The following CPA6 variants were observed in gnomAD, a reference collection of about 807,000 sequenced individuals.
CPA6 encodes the protein carboxypeptidase B.
In CPA6, 58 loss-of-function variants were observed where a neutral mutation model predicts 63.3. The observed-to-expected ratio is 0.92, with a 90% CI of 0.74 to 1.14. CPA6 has a LOEUF of 1.14. Among genes scored for constraint, CPA6 ranks in the 50% most tolerant of loss-of-function variants. The pLI is 0.00. For missense variants in CPA6, 565 were observed against 526.6 expected (o/e 1.07, Z -0.71); for synonymous variants, 185 against 179.0 (o/e 1.03, Z -0.27).
intron 2 of CPA6, among the ~76,000 whole-genome samples, chr8:67,536,649 C>A (rs1033206540): frequency 7.2e-5 from 11 of 152,156 alleles, no homozygotes; most frequent in Non-Finnish European, 1.5e-4. Flanking sequence ...CAAACAGAGA[C>A]AATTTGACTT....
chr8:67,590,031 C>T (rs1183920396), intron 2 of CPA6, among the ~76,000 whole-genome samples: 2 of 151,296 alleles, frequency 1.3e-5, no homozygotes, highest in African/African-American at 4.9e-5. Flanking sequence ...TAATGCTATC[C>T]CTCCCCACTC....
intron 8 of CPA6, among the ~76,000 whole-genome samples, chr8:67,434,733 G>A (rs1296422899): frequency 6.6e-6 from 1 of 152,216 alleles, no homozygotes; most frequent in East Asian, 1.9e-4. Flanking sequence ...AGCAGCAGGC[G>A]GACCTCCAGT....
chr8:67,651,359 G>A (rs1815831888), intron 1 of CPA6, among the ~76,000 whole-genome samples: 1 of 152,150 alleles, frequency 6.6e-6, no homozygotes, highest in Non-Finnish European at 1.5e-5. Context: ...TTTGTATTAT[G>A]CAGCATGGAA....
At chr8:67,584,246 G>A (rs951113516) in intron 2 of CPA6, among the ~76,000 whole-genome samples, 1 of 152,180 alleles carries the variant, frequency 6.6e-6, no homozygotes, top group African/African-American at 2.4e-5. Flanking sequence ...CTTTAGAGTA[G>A]GAGCCTGTAA....
Position 67,434,934 on chromosome 8 carries a change from C to T in CPA6, c.839-694G>A, listed in dbSNP as rs572492732. Among the ~76,000 whole-genome samples, 113 of 152,350 alleles carry T rather than the reference C, an allele frequency of 7.4e-4. 3 individuals are homozygous for T. In the South Asian group the frequency reaches 0.011, roughly 15 times the overall value. On this transcript the variant is annotated intron_variant, in intron 8 of 10. Transcript: ENST00000297770. Reference sequence around the variant, plus strand: ...CTGAGGGGTCCTAGCCTGGAGCAGGCGCCTGCGCCCAGACCCTGGAGAGCC... The same window carrying T: ...CTGAGGGGTCCTAGCCTGGAGCAGGTGCCTGCGCCCAGACCCTGGAGAGCC...
In CPA6 at chr8:67,630,928, T is replaced by C. The variant is rs77744044; in HGVS notation, c.117-6677A>G. ...CAGTGCCGGCCCACTGGTGCCATGCTTGAATTCTTGCCAGGCCTCAGCTGC... is the reference window on the plus strand; with the variant it reads ...CAGTGCCGGCCCACTGGTGCCATGCCTGAATTCTTGCCAGGCCTCAGCTGC... On this transcript the variant is annotated intron_variant, in intron 1 of 10. Coordinates refer to ENST00000297770, the MANE Select transcript of CPA6 (RefSeq NM_020361.5). 5.7e-3 allele frequency among the ~76,000 whole-genome samples: 876 copies of C among 152,380 alleles called. 10 individuals are homozygous for C. The highest frequency in any genetic ancestry group is 0.02 in the African/African-American group (820 of 41,588).
chr8:67,699,004 T>A (rs1353492208), intron 1 of CPA6, among the ~76,000 whole-genome samples: 1 of 152,120 alleles, frequency 6.6e-6, no homozygotes, highest in Non-Finnish European at 1.5e-5. Context: ...CACTACATAG[T>A]TGGAAGGAAA....
At chr8:67,550,444 T>C (rs11785565) in intron 2 of CPA6, among the ~76,000 whole-genome samples, 80,630 of 151,870 alleles carry the variant, frequency 0.53, 24,975 homozygotes, top group East Asian at 0.72. Context: ...AATCCACCAT[T>C]GACGGGCATC....
intron 2 of CPA6, among the ~76,000 whole-genome samples, chr8:67,565,318 C>T (rs190379538): frequency 1.2e-4 from 18 of 151,940 alleles, no homozygotes; most frequent in Admixed American, 3.9e-4. Flanking sequence ...GATAATGGGA[C>T]GCAGAAAAAC....
intron 2 of CPA6, among the ~76,000 whole-genome samples, chr8:67,546,025 C>T (rs1812811821): frequency 6.6e-6 from 1 of 152,140 alleles, no homozygotes; most frequent in African/African-American, 2.4e-5. Context: ...TCCCCCTCTG[C>T]CTCCATCCCC....
At chr8:67,744,361 A>T (rs1817968279) in intron 1 of CPA6, among the ~76,000 whole-genome samples, 1 of 152,158 alleles carries the variant, frequency 6.6e-6, no homozygotes, top group African/African-American at 2.4e-5. Context: ...ATTGCTGAAA[A>T]CAGAGAAGGT....
chr8:67,499,679 T>A (rs1330448201), intron 6 of CPA6, among the ~76,000 whole-genome samples: 1 of 152,132 alleles, frequency 6.6e-6, no homozygotes, highest in Non-Finnish European at 1.5e-5. Context: ...CCCTGAGCAG[T>A]CACTAATCTG....
intron 8 of CPA6, among the ~76,000 whole-genome samples, chr8:67,466,096 T>G (rs1238684858): frequency 6.6e-6 from 1 of 151,382 alleles, no homozygotes; most frequent in African/African-American, 2.4e-5. Context: ...TTTTTTTTTT[T>G]TTTTTTTGGT....
At chr8:67,623,468 C>T (rs562277634) in intron 2 of CPA6, among the ~76,000 whole-genome samples, 14 of 151,564 alleles carry the variant, frequency 9.2e-5, no homozygotes, top group South Asian at 6.2e-4. Context: ...AGAGCAGTGG[C>T]GACAGAGCAA....
At chr8:67,665,598 TCTTG>T in intron 1 of CPA6, among the ~76,000 whole-genome samples, 1 of 152,358 alleles carries the variant, frequency 6.6e-6, no homozygotes, top group African/African-American at 2.4e-5. Flanking sequence ...TTTCTCATCT[TCTTG>T]CTTCTTTCTA....
At chr8:67,499,531 A>T (rs943553977) in intron 6 of CPA6, among the ~76,000 whole-genome samples, 2 of 152,182 alleles carry the variant, frequency 1.3e-5, no homozygotes, top group African/African-American at 4.8e-5. Flanking sequence ...TATCTTGCCA[A>T]ACTGTAGTAT....
chr8:67,483,013 G>C (rs1489157071), intron 8 of CPA6, among the ~76,000 whole-genome samples: 1 of 152,150 alleles, frequency 6.6e-6, no homozygotes, highest in African/African-American at 2.4e-5. Flanking sequence ...TGTGGACTAG[G>C]CCTCATTTCT....
chr8:67,657,770 G>T (rs989658465), intron 1 of CPA6, among the ~76,000 whole-genome samples: 2 of 152,058 alleles, frequency 1.3e-5, no homozygotes, highest in African/African-American at 2.4e-5. Context: ...CTCCCTCCAC[G>T]CAAGCTCTAA....
intron 1 of CPA6, among the ~76,000 whole-genome samples, chr8:67,677,629 T>C (rs1816504896): frequency 6.6e-6 from 1 of 152,180 alleles, no homozygotes; most frequent in South Asian, 2.1e-4. Context: ...AAATGAGATA[T>C]TGATATAGAT....
Sources: allele counts gnomAD v4.1 joint callset (sites outside exome capture counted in the v4.1 genomes callset), GRCh38; gene constraint gnomAD v4.1.1; transcripts MANE v1.5; gene names NCBI Gene and HGNC (gene_info 2026-07-23, HGNC 2026-07-21).